Variants in MIER2 observed in about 807,000 individuals in gnomAD.
MIER2 encodes the protein MIER family member 2.
A neutral mutation model predicts 67.6 loss-of-function variants in MIER2; 30 were observed. The ratio of observed to expected loss-of-function variants is 0.44; its 90% CI spans 0.33 to 0.60. The LOEUF (loss-of-function observed/expected upper bound fraction) is 0.60, where lower values mean the gene tolerates loss of function less well. MIER2 is among the 20% of genes least tolerant of loss of function. The pLI is 0.02. For synonymous variants in MIER2, 372 were observed against 312.6 expected (o/e 1.19, Z -2.00); for missense variants, 702 against 745.1 (o/e 0.94, Z 0.67).
At chr19:326,365 G>C in intron 6 of MIER2, 142 bp downstream of exon 6, 2 of 702,684 alleles carry the variant, frequency 2.8e-6, no homozygotes, top group Non-Finnish European at 5.2e-6. Flanking sequence ...CCACGGCCGG[G>C]ATGCCAGGTT....
chr19:341,295 C>CCGCA (rs1972489155), intron 1 of MIER2, among the ~76,000 whole-genome samples: 1 of 144,212 alleles, frequency 6.9e-6, no homozygotes, highest in South Asian at 2.3e-4. Context: ...GACAACAGTC[C>CCGCA]CGCAGGCTTG....
chr19:325,666 G>A lies in MIER2; in HGVS notation c.624C>T (p.Ser208=), dbSNP rs369919483. Residue 208 remains serine (S), a synonymous_variant, in exon 7 of 14, where the codon AGC becomes AGT. Transcript: ENST00000264819. ...MVGPQFQADL[S]NLHLNRHCEK... ...CACAGTGCCGGTTCAAGTGCAGGTTGCTGAGGTCAGCTTGGAACTGAGGTC... is the reference window on the plus strand; with the variant it reads ...CACAGTGCCGGTTCAAGTGCAGGTTACTGAGGTCAGCTTGGAACTGAGGTC... The A allele has an allele frequency of 5.0e-6, 8 of 1,614,096 alleles. No homozygotes were observed. In the African/African-American group the frequency reaches 1.1e-4, roughly 22 times the overall value.
rs1971441586 is a variant in MIER2, at chr19:320,217, A to T, written c.655+5418T>A. ...AGATGAAGCCTGGTCTCTACAAAATAAACAAAAAAAAAATTAGCCGGCGTG... is the reference window on the plus strand; with the variant it reads ...AGATGAAGCCTGGTCTCTACAAAATTAACAAAAAAAAAATTAGCCGGCGTG... On this transcript the variant is annotated intron_variant, in intron 7 of 13. Transcript: ENST00000264819. Among the ~76,000 whole-genome samples the T allele has an allele frequency of 4.4e-5, 6 of 135,700 alleles. No individual in the cohort carries two copies. The South Asian group carries it at 1.4e-3, about 32-fold the overall frequency. The allele number at this position is 135,700 out of a possible 152,430, so 89.0% of individuals were successfully genotyped here.
chr19:336,012 G>A (rs1049760279), intron 2 of MIER2, 71 bp downstream of exon 2: 3 of 1,456,338 alleles, frequency 2.1e-6, no homozygotes, highest in African/African-American at 2.8e-5. Context: ...GCCAGGCCCA[G>A]CAGGCATTCT....
chr19:318,012 T>G (rs1971334944), intron 7 of MIER2, among the ~76,000 whole-genome samples: 2 of 152,100 alleles, frequency 1.3e-5, no homozygotes, highest in South Asian at 2.1e-4. Flanking sequence ...GAGACCAGCC[T>G]GGCCAACATG....
intron 10 of MIER2, among the ~76,000 whole-genome samples, chr19:311,014 A>C (rs1309118002): frequency 1.3e-5 from 2 of 152,256 alleles, no homozygotes; most frequent in African/African-American, 2.4e-5. Context: ...ACGGCACCGC[A>C]CAGTCACCTG....
chr19:326,674 T>G, intron 5 of MIER2, 76 bp from the exon 6 acceptor site: 1 of 1,169,042 alleles, frequency 8.6e-7, no homozygotes, highest in Non-Finnish European at 1.3e-6. Flanking sequence ...TCCACTCCCA[T>G]TCTCCATCCA....
At chr19:326,779 G>A in intron 5 of MIER2, 181 bp from the exon 6 acceptor site, 1 of 607,104 alleles carries the variant, frequency 1.6e-6, no homozygotes, top group Non-Finnish European at 2.9e-6. Flanking sequence ...TGAAGAAAGA[G>A]GCCTTCCCTT....
intron 1 of MIER2, 50 bp downstream of exon 1, chr19:344,724 G>A (rs937265848): frequency 1.5e-4 from 164 of 1,112,008 alleles, no homozygotes; most frequent in Non-Finnish European, 1.7e-4. Flanking sequence ...GCGGCGGGGG[G>A]CGCGGACGCG....
At chr19:322,882 T>TA (rs1470934614) in intron 7 of MIER2, among the ~76,000 whole-genome samples, 2 of 151,966 alleles carry the variant, frequency 1.3e-5, no homozygotes, top group Non-Finnish European at 2.9e-5. Context: ...AAAGGGTGGG[T>TA]AAATGTGGCA....
rs148834509 is a variant in MIER2 at position 329,493 on chromosome 19, A to C, written c.244-1504T>G. On this transcript the variant is annotated intron_variant, in intron 3 of 13. Coordinates refer to ENST00000264819, the MANE Select transcript of MIER2 (RefSeq NM_017550.3). The stretch of plus-strand genomic sequence containing the variant: ...TAGTGCAGCATTGGCAGCCGGCAAG[A>C]GCCCAGTGCCCGTGGAAGCTGCAGC... 1.3e-3 allele frequency among the ~76,000 whole-genome samples: 200 copies of C among 152,280 alleles called. 1 individual carries two copies. The highest frequency in any genetic ancestry group is 3.9e-3 in the African/African-American group (163 of 41,562).
In MIER2 at chr19:312,283, G is replaced by T; in HGVS notation, c.808-11C>A. The T allele has an allele frequency of 6.2e-7, 1 of 1,613,326 alleles. No individual in the cohort carries two copies. The highest frequency in any genetic ancestry group is 1.1e-5 in the South Asian group (1 of 91,082). On this transcript the variant is annotated splice_polypyrimidine_tract_variant and intron_variant, in intron 8 of 13. Transcript: ENST00000264819. ...CAACTCGTACAGCGCCTGGGGAGAGGACATGTTGGCTCTTCCATGGGCTCA... is the reference window on the plus strand; with the variant it reads ...CAACTCGTACAGCGCCTGGGGAGAGTACATGTTGGCTCTTCCATGGGCTCA...
rs2145365927 is a variant in MIER2, at chr19:312,019, CAGTCAGCGGCGCCCA to C, written c.890-95_890-81del. On this transcript the variant is annotated intron_variant, in intron 9 of 13. Transcript: ENST00000264819. ...GAAGGAAGGCCCAGGCCGGGGAGAACAGTCAGCGGCGCCCAGGGCGGGGCCGCAGCGGAAGGAAGG... is the reference window on the plus strand; with the variant it reads ...GAAGGAAGGCCCAGGCCGGGGAGAACGGGCGGGGCCGCAGCGGAAGGAAGG... 61 of 1,134,376 alleles carry C rather than the reference CAGTCAGCGGCGCCCA, an allele frequency of 5.4e-5. 1 individual carries two copies. In the South Asian group the frequency reaches 5.9e-4, roughly 11 times the overall value. 70.3% of individuals were successfully genotyped at this position (1,134,376 alleles called of 1,614,324 possible). A position where few individuals can be genotyped will look rare whatever the true frequency, so the allele number is the denominator to read the frequency against.
At chr19:326,926 A>T in intron 5 of MIER2, 1 of 667,746 alleles carries the variant, frequency 1.5e-6, no homozygotes, top group Non-Finnish European at 2.4e-6. Context: ...CTACTTGTTT[A>T]AACCAAATCG....
chr19:332,293 T>C (rs559705972), intron 3 of MIER2, among the ~76,000 whole-genome samples: 36 of 151,944 alleles, frequency 2.4e-4, no homozygotes, highest in African/African-American at 8.0e-4. Flanking sequence ...AATAAGTATT[T>C]TTACATGTCA....
chr19:310,159 C>A (rs1970886963), intron 10 of MIER2, among the ~76,000 whole-genome samples: 1 of 152,216 alleles, frequency 6.6e-6, no homozygotes, highest in Non-Finnish European at 1.5e-5. Context: ...ACATCTCCAC[C>A]CGGGAGGCTC....
At position 339,731 on chromosome 19, in the gene MIER2, T is replaced by C. The variant is rs188738535; in HGVS notation, c.10-3558A>G. Among the ~76,000 whole-genome samples the C allele has an allele frequency of 8.6e-5, 13 of 151,982 alleles. 1 individual carries two copies. In the East Asian group the frequency reaches 2.5e-3, roughly 29 times the overall value. On this transcript the variant is annotated intron_variant, in intron 1 of 13. Coordinates refer to ENST00000264819, the MANE Select transcript of MIER2 (RefSeq NM_017550.3). ...GCCAGACACAAAAGGCCACGTGTCG[T>C]ATGACTCATTTAATCTCAAATGTCT...
intron 3 of MIER2, among the ~76,000 whole-genome samples, chr19:333,914 G>C (rs541655783): frequency 6.6e-6 from 1 of 151,798 alleles, no homozygotes; most frequent in African/African-American, 2.4e-5. Flanking sequence ...GGACGGTCTC[G>C]ATCTCCTGAC....
intron 7 of MIER2, among the ~76,000 whole-genome samples, chr19:317,970 G>A (rs528927965): frequency 1.2e-4 from 18 of 152,242 alleles, no homozygotes; most frequent in South Asian, 4.2e-4. Context: ...TTGGGAGGCC[G>A]AAGTGGGCAG....
Sources: gnomAD v4.1 joint callset for allele counts (sites outside exome capture counted in the v4.1 genomes callset) on GRCh38, gnomAD v4.1.1 for gene constraint, MANE v1.5 for transcripts, NCBI Gene and HGNC (gene_info 2026-07-23, HGNC 2026-07-21) for gene names.